Variants in CSMD1 observed in about 807,000 individuals in gnomAD.
CSMD1 encodes CUB and Sushi multiple domains 1.
A neutral mutation model predicts 417.5 loss-of-function variants in CSMD1; 213 were observed. That is an observed-to-expected ratio of 0.51 (90% CI 0.46 to 0.57). The LOEUF (loss-of-function observed/expected upper bound fraction) is 0.57, where lower values mean the gene tolerates loss of function less well. Among genes scored for constraint, CSMD1 ranks in the 20% least tolerant of loss-of-function variants. The probability of loss-of-function intolerance (pLI) is 0.00; values close to 1 mark genes in which losing one functional copy is unlikely to be tolerated. For missense variants in CSMD1, 6,923 were observed against 4,529.7 expected (o/e 1.53, Z -15.17); for synonymous variants, 2,862 against 1,736.8 (o/e 1.65, Z -16.11).
chr8:4,201,258 G>A (rs1216141290), intron 3 of CSMD1, among the ~76,000 whole-genome samples: 5 of 152,194 alleles, frequency 3.3e-5, no homozygotes, highest in Non-Finnish European at 7.3e-5. Context: ...AAAATTCAGG[G>A]CCGGGCGCAG....
intron 25 of CSMD1, among the ~76,000 whole-genome samples, chr8:3,296,472 C>T (rs4875558): frequency 1 from 152,115 of 152,214 alleles, 76,008 homozygotes; most frequent in Middle Eastern, 1. Context: ...AAGGATGATA[C>T]ACCGATGCGG....
chr8:3,889,899 T>C (rs1056775726), intron 5 of CSMD1, among the ~76,000 whole-genome samples: 1 of 152,114 alleles, frequency 6.6e-6, no homozygotes, highest in Non-Finnish European at 1.5e-5. Context: ...AATTACTTTC[T>C]GAGTTGCGCA....
chr8:4,697,660 G>C (rs1462608095), intron 1 of CSMD1, among the ~76,000 whole-genome samples: 2 of 152,204 alleles, frequency 1.3e-5, no homozygotes, highest in Admixed American at 6.5e-5. Flanking sequence ...TTAGTTGCTG[G>C]TTACACGATT....
chr8:3,648,372 A>G (rs1797682551), intron 7 of CSMD1, among the ~76,000 whole-genome samples: 2 of 152,188 alleles, frequency 1.3e-5, no homozygotes, highest in Admixed American at 1.3e-4. Context: ...GAAATTTTCA[A>G]ATTAAGACTT....
At chr8:3,836,834 A>G (rs1802742286) in intron 5 of CSMD1, among the ~76,000 whole-genome samples, 1 of 152,156 alleles carries the variant, frequency 6.6e-6, no homozygotes, top group Non-Finnish European at 1.5e-5. Context: ...ACTCAATTAA[A>G]TATGTTAATA....
At chr8:4,009,270 A>G (rs974090068) in intron 4 of CSMD1, among the ~76,000 whole-genome samples, 3 of 152,244 alleles carry the variant, frequency 2.0e-5, no homozygotes. Context: ...GACTTTTTAA[A>G]AAAGTGTATT....
chr8:4,697,200 C>A (rs1180072147), intron 1 of CSMD1, among the ~76,000 whole-genome samples: 1 of 151,802 alleles, frequency 6.6e-6, no homozygotes, highest in Admixed American at 6.6e-5. Flanking sequence ...ATAAAAAAAT[C>A]AGAAAAAATC....
chr8:4,712,935 G>T (rs1374686153), intron 1 of CSMD1, among the ~76,000 whole-genome samples: 1 of 152,100 alleles, frequency 6.6e-6, no homozygotes, highest in Non-Finnish European at 1.5e-5. Flanking sequence ...TACAAGTCTC[G>T]CAATTAGAAA....
At position 3,743,566 on chromosome 8, in the gene CSMD1, C is replaced by T. The variant is rs868171114; in HGVS notation, c.931+10364G>A. Among the ~76,000 whole-genome samples the T allele has an allele frequency of 7.2e-5, 11 of 152,172 alleles. No homozygotes were observed. The East Asian group carries it at 1.2e-3, about 16-fold the overall frequency. On this transcript the variant is annotated intron_variant, in intron 6 of 69. Coordinates refer to ENST00000635120, the MANE Select transcript of CSMD1 (RefSeq NM_033225.6). ...GTGAAAGAAAATTAAATCTTGGGACCTCAAACTCATTACGCCGAAGGGAAA... is the reference window on the plus strand; with the variant it reads ...GTGAAAGAAAATTAAATCTTGGGACTTCAAACTCATTACGCCGAAGGGAAA...
intron 1 of CSMD1, among the ~76,000 whole-genome samples, chr8:4,694,747 C>T (rs1807006351): frequency 6.6e-6 from 1 of 152,128 alleles, no homozygotes; most frequent in Admixed American, 6.5e-5. Flanking sequence ...ACCTTGGGCA[C>T]ATGTCATCAG....
At position 3,248,795 on chromosome 8, in the gene CSMD1, C is replaced by T. The variant is rs1012134858; in HGVS notation, c.4154-18564G>A. On this transcript the variant is annotated intron_variant, in intron 26 of 69. Coordinates refer to ENST00000635120, the MANE Select transcript of CSMD1 (RefSeq NM_033225.6). ...GTGTCCATAGCTAGGGACAATTTTA[C>T]CCTATTCTCTTGTTCACTTGGCTAA... is the stretch of plus-strand genomic sequence containing the variant. 2.0e-5 allele frequency among the ~76,000 whole-genome samples: 3 copies of T among 151,990 alleles called. No individual in the cohort carries two copies. The East Asian group carries it at 5.8e-4, about 29-fold the overall frequency.
intron 30 of CSMD1, among the ~76,000 whole-genome samples, chr8:3,212,915 GC>G (rs2116807292): frequency 6.8e-6 from 1 of 147,300 alleles, no homozygotes; most frequent in South Asian, 2.1e-4. Context: ...CACAACCTCT[GC>G]CTCCCGGGTT....
intron 7 of CSMD1, among the ~76,000 whole-genome samples, chr8:3,618,436 A>AT (rs1271953474): frequency 2.6e-5 from 4 of 152,074 alleles, no homozygotes; most frequent in Non-Finnish European, 5.9e-5. Flanking sequence ...GGGTTAAGAT[A>AT]TTTTTTAGGT....
intron 3 of CSMD1, among the ~76,000 whole-genome samples, chr8:4,326,376 C>T (rs1180280683): frequency 6.6e-6 from 1 of 152,014 alleles, no homozygotes; most frequent in Non-Finnish European, 1.5e-5. Flanking sequence ...ACCAATGTGG[C>T]GAGAGGCACT....
rs146539567 is a variant in CSMD1, at chr8:2,999,972, G to T, written c.8189C>A (p.Thr2730Lys). The part of the protein sequence containing the change: ...CLQDHKWSGQ[T>K]PVCVPITCGH... The stretch of plus-strand genomic sequence containing the variant: ...AGTGCACTTACGGACACAGACAGGC[G>T]TTTGTCCAGACCACTTGTGGTCTTG... Residue 2730 changes from threonine to lysine, a missense_variant, in exon 53 of 70, where the codon ACG (threonine) becomes AAG (lysine). Physicochemically the swap from Thr to Lys is moderately conservative, Grantham distance 78. Coordinates refer to ENST00000635120, the MANE Select transcript of CSMD1 (RefSeq NM_033225.6). 15 of 1,608,868 alleles carry T rather than the reference G, an allele frequency of 9.3e-6. No individual in the cohort carries two copies. Among genetic ancestry groups the T allele is most frequent in the African/African-American group, 2.7e-5 (2 of 73,964 alleles).
At chr8:4,877,013 T>G (rs568550309) in intron 1 of CSMD1, among the ~76,000 whole-genome samples, 92 of 152,080 alleles carry the variant, frequency 6.0e-4, no homozygotes, top group Non-Finnish European at 6.5e-4. Flanking sequence ...TAAAAGAGTT[T>G]CTCAGAAAGA....
chr8:4,125,039 T>G (rs1322384607), intron 3 of CSMD1, among the ~76,000 whole-genome samples: 1 of 152,110 alleles, frequency 6.6e-6, no homozygotes, highest in African/African-American at 2.4e-5. Flanking sequence ...GTCCGCACGT[T>G]TCTCTAATTC....
intron 3 of CSMD1, among the ~76,000 whole-genome samples, chr8:4,359,867 A>C (rs115121775): frequency 1.3e-3 from 191 of 152,336 alleles, no homozygotes; most frequent in African/African-American, 4.4e-3. Flanking sequence ...TCCAGAGACA[A>C]CACTACTAAA....
chr8:3,313,693 A>C (rs906887894), intron 23 of CSMD1, among the ~76,000 whole-genome samples: 5 of 152,192 alleles, frequency 3.3e-5, no homozygotes, highest in African/African-American at 1.2e-4. Flanking sequence ...GAGTTCAACC[A>C]TTGTGGAAGT....
Sources: gnomAD v4.1 joint callset for allele counts (sites outside exome capture counted in the v4.1 genomes callset) on GRCh38, gnomAD v4.1.1 for gene constraint, MANE v1.5 for transcripts, NCBI Gene and HGNC (gene_info 2026-07-23, HGNC 2026-07-21) for gene names.